Variants in CRADD observed in about 807,000 individuals in gnomAD.
CRADD encodes the protein CARD and death domain containing adaptor protein.
CRADD carries 9 observed loss-of-function variants against 15.5 expected under a neutral mutation model. The observed-to-expected ratio is 0.58, with a 90% CI of 0.35 to 1.01. CRADD has a LOEUF of 1.01. CRADD is among the 50% of genes least tolerant of loss of function. CRADD has a pLI of 0.02. For missense variants in CRADD, 227 were observed against 250.3 expected (o/e 0.91, Z 0.63); for synonymous variants, 118 against 107.6 (o/e 1.10, Z -0.60).
chr12:93,864,916 C>T (rs1054264172), intron 2 of CRADD, among the ~76,000 whole-genome samples: 5 of 152,156 alleles, frequency 3.3e-5, no homozygotes, highest in Non-Finnish European at 5.9e-5. Context: ...TATAAGGAGG[C>T]AATGAGAGAG....
intron 2 of CRADD, among the ~76,000 whole-genome samples, chr12:93,805,112 A>T (rs943337555): frequency 6.6e-6 from 1 of 152,118 alleles, no homozygotes; most frequent in Non-Finnish European, 1.5e-5. Context: ...TGTACTGAAT[A>T]TTCTTAAAGC....
chr12:93,681,901 A>G (rs1469079484), intron 2 of CRADD, among the ~76,000 whole-genome samples: 2 of 152,152 alleles, frequency 1.3e-5, no homozygotes, highest in Non-Finnish European at 2.9e-5. Context: ...GTATATAGAG[A>G]GAGATATATA....
At chr12:93,716,631 T>C (rs1414899991) in intron 2 of CRADD, among the ~76,000 whole-genome samples, 1 of 152,250 alleles carries the variant, frequency 6.6e-6, no homozygotes, top group Non-Finnish European at 1.5e-5. Context: ...TCATGTAGTG[T>C]GTGGCCTTTG....
At chr12:93,892,719 C>T (rs980929954) in intron 2 of CRADD, among the ~76,000 whole-genome samples, 1 of 152,038 alleles carries the variant, frequency 6.6e-6, no homozygotes, top group Non-Finnish European at 1.5e-5. Context: ...ATAATGAAGC[C>T]TTGTTTCTGG....
intron 2 of CRADD, among the ~76,000 whole-genome samples, chr12:93,751,012 A>G (rs995396033): frequency 3.3e-5 from 5 of 152,228 alleles, no homozygotes; most frequent in African/African-American, 1.2e-4. Context: ...CTCTCACTGA[A>G]CTGACCTGGT....
chr12:93,739,624 T>C (rs1352708271), intron 2 of CRADD, among the ~76,000 whole-genome samples: 1 of 152,122 alleles, frequency 6.6e-6, no homozygotes, highest in Non-Finnish European at 1.5e-5. Context: ...ACAATGTCAC[T>C]GGATTTCAAG....
chr12:93,729,544 T>C (rs1006505308), intron 2 of CRADD, among the ~76,000 whole-genome samples: 4 of 152,132 alleles, frequency 2.6e-5, no homozygotes, highest in Admixed American at 2.6e-4. Context: ...TGCAGCACTT[T>C]GGGAGGCCAA....
At chr12:93,757,895 C>A (rs946205573) in intron 2 of CRADD, among the ~76,000 whole-genome samples, 6 of 152,118 alleles carry the variant, frequency 3.9e-5, no homozygotes, top group African/African-American at 1.4e-4. Context: ...GTTGAAGAGG[C>A]TATGGTAGCT....
chr12:93,727,102 C>CT (rs1956381902), intron 2 of CRADD, among the ~76,000 whole-genome samples: 1 of 152,168 alleles, frequency 6.6e-6, no homozygotes, highest in Admixed American at 6.5e-5. Context: ...CGTTCAGACT[C>CT]CACAATTGAA....
intron 2 of CRADD, among the ~76,000 whole-genome samples, chr12:93,801,258 T>C (rs1041536461): frequency 6.6e-6 from 1 of 152,236 alleles, no homozygotes; most frequent in Admixed American, 6.5e-5. Flanking sequence ...ATTCCAGTAC[T>C]TCATGAGGTG....
chr12:93,805,466 C>T (rs1957526391), intron 2 of CRADD, among the ~76,000 whole-genome samples: 1 of 151,796 alleles, frequency 6.6e-6, no homozygotes, highest in Non-Finnish European at 1.5e-5. Flanking sequence ...CTCAGTTTTT[C>T]TTTTTCTTTA....
intron 2 of CRADD, among the ~76,000 whole-genome samples, chr12:93,867,405 T>TATATTTATATATATATATATATATATATA (rs1207739624): frequency 9.8e-6 from 1 of 102,072 alleles, no homozygotes; most frequent in Non-Finnish European, 2.3e-5. Flanking sequence ...ATATATATAT[T>TATATTTATATATATATATATATATATATA]TTTTAAACTT....
At chr12:93,822,117 C>CA (rs34990364) in intron 2 of CRADD, among the ~76,000 whole-genome samples, 315 of 140,784 alleles carry the variant, frequency 2.2e-3, no homozygotes, top group Admixed American at 2.8e-3. Context: ...GACTCAGTCT[C>CA]AAAAAAAAAA....
At chr12:93,756,417 A>T (rs1004965622) in intron 2 of CRADD, among the ~76,000 whole-genome samples, 35 of 152,348 alleles carry the variant, frequency 2.3e-4, no homozygotes, top group Middle Eastern at 6.8e-3. Context: ...TTTTGTTGTA[A>T]GACTTAGGCC....
intron 2 of CRADD, among the ~76,000 whole-genome samples, chr12:93,689,074 T>A (rs1057118575): frequency 5.3e-5 from 8 of 152,112 alleles, no homozygotes; most frequent in African/African-American, 1.9e-4. Context: ...AGCCCCTGAA[T>A]CTCTCCCATT....
chr12:93,720,478 T>C (rs1444101308), intron 2 of CRADD, among the ~76,000 whole-genome samples: 1 of 152,188 alleles, frequency 6.6e-6, no homozygotes, highest in East Asian at 1.9e-4. Flanking sequence ...TTCCTGATTT[T>C]TTGCCTGCTA....
At chr12:93,743,478 C>A (rs2136931152) in intron 2 of CRADD, among the ~76,000 whole-genome samples, 1 of 152,232 alleles carries the variant, frequency 6.6e-6, no homozygotes, top group African/African-American at 2.4e-5. Context: ...ACCACAGGCC[C>A]TCGTCACCGT....
At chr12:93,870,961 A>T (rs551063006) in intron 2 of CRADD, among the ~76,000 whole-genome samples, 2 of 152,338 alleles carry the variant, frequency 1.3e-5, no homozygotes, top group South Asian at 4.1e-4. Flanking sequence ...ACATAAGCAA[A>T]ATGGGAGCAC....
At chr12:93,806,451 C>CAAAAAAAAAAAAAAAAAAAAAAA (rs59372325) in intron 2 of CRADD, among the ~76,000 whole-genome samples, 1 of 59,210 alleles carries the variant, frequency 1.7e-5, no homozygotes, top group Non-Finnish European at 3.5e-5. Context: ...GACTCCATCT[C>CAAAAAAAAAAAAAAAAAAAAAAA]AAAAAAAAAA....
Sources: gnomAD v4.1 joint callset for allele counts (sites outside exome capture counted in the v4.1 genomes callset) on GRCh38, gnomAD v4.1.1 for gene constraint, MANE v1.5 for transcripts, NCBI Gene and HGNC (gene_info 2026-07-23, HGNC 2026-07-21) for gene names.